Variants in DPP6 observed in about 807,000 individuals in gnomAD.
DPP6 encodes the protein A-type potassium channel modulatory protein DPP6.
A neutral mutation model predicts 122.6 loss-of-function variants in DPP6; 69 were observed. The ratio of observed to expected loss-of-function variants is 0.56; its 90% CI spans 0.46 to 0.69. The LOEUF is 0.69. Ranked by LOEUF, DPP6 falls within the 30% of genes least tolerant of loss-of-function variation. The pLI, the probability that DPP6 is intolerant of heterozygous loss-of-function variation, is 0.00. For synonymous variants in DPP6, 418 were observed against 433.1 expected (o/e 0.97, Z 0.43); for missense variants, 928 against 1,116.9 (o/e 0.83, Z 2.41).
At chr7:154,377,369 G>A (rs572480839) in intron 1 of DPP6, among the ~76,000 whole-genome samples, 2 of 152,292 alleles carry the variant, frequency 1.3e-5, no homozygotes, top group South Asian at 2.1e-4. Flanking sequence ...GTAGGAAATG[G>A]AGTGAGGCAG....
intron 1 of DPP6, among the ~76,000 whole-genome samples, chr7:154,376,052 G>C (rs1423582075): frequency 6.6e-6 from 1 of 152,122 alleles, no homozygotes; most frequent in East Asian, 1.9e-4. Context: ...GGCCCCACCA[G>C]CCTTCCCGGA....
intron 1 of DPP6, among the ~76,000 whole-genome samples, chr7:153,895,878 T>A (rs910876536): frequency 6.6e-6 from 1 of 152,166 alleles, no homozygotes; most frequent in Non-Finnish European, 1.5e-5. Flanking sequence ...CTTTCTTGGA[T>A]ATTAAAAAAA....
intron 1 of DPP6, among the ~76,000 whole-genome samples, chr7:154,139,986 C>G (rs1795762849): frequency 6.6e-6 from 1 of 152,158 alleles, no homozygotes; most frequent in Admixed American, 6.5e-5. Context: ...AAGTGCCCCA[C>G]AAAATTTAAA....
chr7:154,267,660 A>G (rs1443399956), intron 1 of DPP6, among the ~76,000 whole-genome samples: 1 of 149,520 alleles, frequency 6.7e-6, no homozygotes, highest in Non-Finnish European at 1.5e-5. Flanking sequence ...GCACACATAC[A>G]TATATATGTG....
intron 1 of DPP6, among the ~76,000 whole-genome samples, chr7:154,234,250 A>G (rs535697542): frequency 1.1e-3 from 168 of 152,290 alleles, no homozygotes; most frequent in African/African-American, 4.0e-3. Context: ...TGCTTTGCCC[A>G]CTGGTTGTAT....
intron 1 of DPP6, among the ~76,000 whole-genome samples, chr7:154,412,727 A>G (rs1369045426): frequency 6.6e-6 from 1 of 151,936 alleles, no homozygotes; most frequent in African/African-American, 2.4e-5. Flanking sequence ...TACAGCACTT[A>G]TTCAATGCCG....
chr7:154,410,886 T>C (rs747849443), intron 1 of DPP6, among the ~76,000 whole-genome samples: 47 of 152,354 alleles, frequency 3.1e-4, no homozygotes, highest in Non-Finnish European at 6.3e-4. Context: ...TTGCAGTTCT[T>C]TATAAAGAAA....
chr7:154,000,394 A>G (rs1462376855), intron 1 of DPP6, among the ~76,000 whole-genome samples: 2 of 152,180 alleles, frequency 1.3e-5, no homozygotes, highest in Non-Finnish European at 2.9e-5. Context: ...TGAGAGCAGG[A>G]TGAAATCAAT....
chr7:153,829,176 G>A, the DPP6 span, among the ~76,000 whole-genome samples: 3 of 152,114 alleles, frequency 2.0e-5, no homozygotes, highest in African/African-American at 7.2e-5. Context: ...CTTTCCTGGG[G>A]CCATGTTTTG....
intron 1 of DPP6, among the ~76,000 whole-genome samples, chr7:154,323,749 G>A (rs370017066): frequency 2.5e-4 from 38 of 152,270 alleles, no homozygotes; most frequent in African/African-American, 8.9e-4. Flanking sequence ...GGGACAAGGG[G>A]GAGCCATGCT....
intron 6 of DPP6, among the ~76,000 whole-genome samples, chr7:154,651,454 CT>C (rs1836868181): frequency 6.6e-6 from 1 of 152,140 alleles, no homozygotes; most frequent in Admixed American, 6.5e-5. Flanking sequence ...CGTCTGCACC[CT>C]ACCTCGATGA....
At chr7:154,300,657 C>CTG (rs141234543) in intron 1 of DPP6, among the ~76,000 whole-genome samples, 2 of 151,858 alleles carry the variant, frequency 1.3e-5, no homozygotes, top group East Asian at 1.9e-4. Context: ...GGATTTGGGG[C>CTG]TGTGTGTGTG....
Position 154,683,645 on chromosome 7 carries a change from C to A in DPP6, c.762+14204C>A, listed in dbSNP as rs752447199. Among the ~76,000 whole-genome samples the A allele has an allele frequency of 1.6e-3, 247 of 152,204 alleles. 1 individual carries two copies. Among genetic ancestry groups the A allele is most frequent in the Non-Finnish European group, 2.5e-3 (173 of 67,986 alleles). On this transcript the variant is annotated intron_variant, in intron 7 of 25. Transcript: ENST00000377770. The stretch of plus-strand genomic sequence containing the variant: ...CATGTCCATTTTCCCATGTAAAATC[C>A]TTCCACTGTTTTCCACTGCCTTTAG...
At chr7:154,669,566 GTA>G (rs755946605) in intron 7 of DPP6, 125 bp downstream of exon 7, 2 of 1,032,708 alleles carry the variant, frequency 1.9e-6, no homozygotes, top group Middle Eastern at 2.3e-4. Context: ...GTGTGTGTGT[GTA>G]AATTAAAATC....
At chr7:154,451,990 T>A (rs1407474863) in intron 2 of DPP6, among the ~76,000 whole-genome samples, 1 of 152,226 alleles carries the variant, frequency 6.6e-6, no homozygotes, top group Non-Finnish European at 1.5e-5. Context: ...TGTTTTGGCA[T>A]AAAATTCCAT....
intron 1 of DPP6, among the ~76,000 whole-genome samples, chr7:154,085,187 A>G (rs536615172): frequency 6.6e-6 from 1 of 152,204 alleles, no homozygotes; most frequent in Non-Finnish European, 1.5e-5. Flanking sequence ...GACTTAGCCT[A>G]CACACTGGGC....
At chr7:154,836,050 C>T (rs916261799) in intron 16 of DPP6, among the ~76,000 whole-genome samples, 3 of 152,186 alleles carry the variant, frequency 2.0e-5, no homozygotes, top group Non-Finnish European at 2.9e-5. Flanking sequence ...AGGAATGTTC[C>T]TCCGAGGCTC....
intron 5 of DPP6, among the ~76,000 whole-genome samples, chr7:154,590,184 G>T (rs74541091): frequency 0.022 from 3,400 of 152,304 alleles, 132 homozygotes; most frequent in African/African-American, 0.075. Context: ...TGACCCTGCA[G>T]TGATAGCAGG....
At chr7:153,827,871 T>C in the DPP6 span, among the ~76,000 whole-genome samples, 10 of 152,214 alleles carry the variant, frequency 6.6e-5, no homozygotes, top group Non-Finnish European at 1.5e-4. Flanking sequence ...GACTTTTACC[T>C]GCACCCTGTG....
Sources: gnomAD v4.1 joint callset for allele counts (sites outside exome capture counted in the v4.1 genomes callset) on GRCh38, gnomAD v4.1.1 for gene constraint, MANE v1.5 for transcripts, NCBI Gene and HGNC (gene_info 2026-07-23, HGNC 2026-07-21) for gene names.